PCDHGB7: variants seen among roughly 807,000 people sequenced by gnomAD.
PCDHGB7 encodes the protein protocadherin gamma subfamily B, 7.
Under a neutral mutation model 61.4 loss-of-function variants are expected in PCDHGB7, and 37 were observed. The ratio of observed to expected loss-of-function variants is 0.60; its 90% CI spans 0.46 to 0.79. The LOEUF is 0.79. Among genes scored for constraint, PCDHGB7 ranks in the 30% least tolerant of loss-of-function variants. PCDHGB7 has a pLI of 0.00. For missense variants in PCDHGB7, 1,166 were observed against 1,202.5 expected (o/e 0.97, Z 0.45); for synonymous variants, 464 against 503.5 (o/e 0.92, Z 1.05).
At position 141,486,709 on chromosome 5, in the gene PCDHGB7, C is replaced by T; in HGVS notation, c.2416-8098C>T. 6.2e-7 allele frequency: 1 copy of T among 1,614,182 alleles called. No individual in the cohort carries two copies. ...CTTCCTCTTTCATCTCTCTGAACCC[C>T]CAGACAGGAGCTGTTCATGCTACTC... On this transcript the variant is annotated intron_variant, in intron 1 of 3. Coordinates refer to ENST00000398594, the MANE Select transcript of PCDHGB7 (RefSeq NM_018927.4). This position sits in a 1 kb window ranked among gnomAD's most constrained non-coding sequence, Gnocchi z 5.0.
At position 141,489,385 on chromosome 5, in the gene PCDHGB7, G is replaced by C. The variant is rs893348832; in HGVS notation, c.2416-5422G>C. The stretch of plus-strand genomic sequence containing the variant: ...GCCGGGGACGCTGGTGGGGAATGTT[G>C]CTCAGGATCTGGGCTTAAAGATGAC... On this transcript the variant is annotated intron_variant, in intron 1 of 3. Transcript: ENST00000398594. This position sits in a 1 kb window ranked among gnomAD's most constrained non-coding sequence, Gnocchi z 4.5. The C allele has an allele frequency of 6.2e-7, 1 of 1,613,924 alleles. No individual in the cohort carries two copies. Among genetic ancestry groups the C allele is most frequent in the Non-Finnish European group, 8.5e-7 (1 of 1,179,896 alleles).
Position 141,485,959 on chromosome 5 carries a change from C to A in PCDHGB7, c.2416-8848C>A, listed in dbSNP as rs758835557. The A allele has an allele frequency of 6.2e-7, 1 of 1,614,160 alleles. No homozygotes were observed. The highest frequency in any genetic ancestry group is 1.3e-5 in the African/African-American group (1 of 75,054). Reference sequence around the variant, plus strand: ...GCGCACCAGCGGGCATGGTGCTCATCCAGCTCAATGCCTCAGACCCGGACC... The same window carrying A: ...GCGCACCAGCGGGCATGGTGCTCATACAGCTCAATGCCTCAGACCCGGACC... On this transcript the variant is annotated intron_variant, in intron 1 of 3. Coordinates refer to ENST00000398594, the MANE Select transcript of PCDHGB7 (RefSeq NM_018927.4). The surrounding 1 kb of genome is among the most constrained non-coding windows in gnomAD (Gnocchi z 5.7).
Position 141,417,884 on chromosome 5 carries a change from C to A in PCDHGB7, c.25C>A (p.Arg9Ser). Residue 9 changes from arginine (R) to serine (S), a missense_variant, in exon 1 of 4, where the codon CGC becomes AGC. By Grantham distance (110) the Arg-to-Ser change is moderately radical. Coordinates refer to ENST00000398594, the MANE Select transcript of PCDHGB7 (RefSeq NM_018927.4). ...GATGGGAGGGAGCTGCGCGCAGAGG[C>A]GCCGGGCCGGCCCGCGGCAGGTACT... MGGSCAQR[R>S]RAGPRQVLFP... 1.3e-6 allele frequency: 2 copies of A among 1,561,600 alleles called. No homozygotes were observed. Among genetic ancestry groups the A allele is most frequent in the East Asian group, 2.4e-5 (1 of 41,672 alleles).
rs539406412 is a variant in PCDHGB7, at chr5:141,427,895, G to A, written c.2415+7621G>A. ...CGATGCAGGCCCACGACCAGGGCTCGCCCGCGCTCAGCGCCAACATGAGCC... is the reference window on the plus strand; with the variant it reads ...CGATGCAGGCCCACGACCAGGGCTCACCCGCGCTCAGCGCCAACATGAGCC... On this transcript the variant is annotated intron_variant, in intron 1 of 3. Transcript: ENST00000398594. 373 of 1,569,222 alleles carry A rather than the reference G, an allele frequency of 2.4e-4. 2 individuals are homozygous for A. In the South Asian group the frequency reaches 3.9e-3, roughly 17 times the overall value.
Position 141,491,706 on chromosome 5 carries a change from G to T in PCDHGB7, c.2416-3101G>T. 6.2e-7 allele frequency: 1 copy of T among 1,611,088 alleles called. No individual in the cohort carries two copies. Among genetic ancestry groups the T allele is most frequent in the Non-Finnish European group, 8.5e-7 (1 of 1,178,772 alleles). On this transcript the variant is annotated intron_variant, in intron 1 of 3. Coordinates refer to ENST00000398594, the MANE Select transcript of PCDHGB7 (RefSeq NM_018927.4). The surrounding 1 kb of genome is among the most constrained non-coding windows in gnomAD (Gnocchi z 6.9). Reference sequence around the variant, plus strand: ...CGCTGCGGGAGCGGAGCCAGGTGAGGGGCTCGGCGCCGCCCCGGGCGACCC... The same window carrying T: ...CGCTGCGGGAGCGGAGCCAGGTGAGTGGCTCGGCGCCGCCCCGGGCGACCC...
chr5:141,434,449 G>C (rs1392115883), intron 1 of PCDHGB7, among the ~76,000 whole-genome samples: 1 of 152,232 alleles, frequency 6.6e-6, no homozygotes, highest in Non-Finnish European at 1.5e-5. Context: ...ATGCTGGAAG[G>C]TAGTGGGTTT....
At chr5:141,422,888 T>C in intron 1 of PCDHGB7, 2 of 1,614,262 alleles carry the variant, frequency 1.2e-6, no homozygotes, top group South Asian at 2.2e-5. Flanking sequence ...CTGTTCGTGC[T>C]GGACCAGAAC....
intron 1 of PCDHGB7, 108 bp from the exon 2 acceptor site, chr5:141,494,699 T>G: frequency 6.3e-7 from 1 of 1,592,240 alleles, no homozygotes; most frequent in East Asian, 2.3e-5. Context: ...GTCCGTTTTC[T>G]TCTCTGTGCC....
In PCDHGB7 at chr5:141,486,194, C is replaced by A. The variant is rs1248456800; in HGVS notation, c.2416-8613C>A. The A allele has an allele frequency of 6.2e-7, 1 of 1,614,196 alleles. No individual in the cohort carries two copies. Among genetic ancestry groups the A allele is most frequent in the Non-Finnish European group, 8.5e-7 (1 of 1,180,026 alleles). ...ACATTGCAGCCTTCGAGTGGATCTG[C>A]TGGACGTAAATGACAATGCCCCTTA... On this transcript the variant is annotated intron_variant, in intron 1 of 3. Transcript: ENST00000398594. The surrounding 1 kb of genome is among the most constrained non-coding windows in gnomAD (Gnocchi z 5.0).
At chr5:141,498,947 AAAAG>A (rs1475471777) in intron 2 of PCDHGB7, among the ~76,000 whole-genome samples, 1 of 145,446 alleles carries the variant, frequency 6.9e-6, no homozygotes, top group African/African-American at 2.6e-5. Context: ...GAAAGAAAGA[AAAAG>A]AGAGAGAGGG....
intron 1 of PCDHGB7, among the ~76,000 whole-genome samples, chr5:141,492,490 G>C (rs2099741140): frequency 6.6e-6 from 1 of 152,208 alleles, no homozygotes; most frequent in Non-Finnish European, 1.5e-5. Context: ...CCAGGACCAG[G>C]CGAGGACTCC....
intron 1 of PCDHGB7, among the ~76,000 whole-genome samples, chr5:141,466,080 C>A (rs1186062704): frequency 6.6e-6 from 1 of 152,108 alleles, no homozygotes; most frequent in East Asian, 1.9e-4. Flanking sequence ...TGATATCATG[C>A]CACTGCACTC....
intron 1 of PCDHGB7, chr5:141,427,630 T>C (rs1043983899): frequency 2.8e-6 from 2 of 702,530 alleles, no homozygotes; most frequent in African/African-American, 1.7e-5. Context: ...AATGCTCCGG[T>C]TTTCCACCAA....
intron 1 of PCDHGB7, among the ~76,000 whole-genome samples, chr5:141,462,897 G>A (rs2099049236): frequency 6.6e-6 from 1 of 152,130 alleles, no homozygotes; most frequent in South Asian, 2.1e-4. Context: ...TGTTTTGGAA[G>A]GCTATTATGT....
At chr5:141,448,926 C>T (rs528128105) in intron 1 of PCDHGB7, among the ~76,000 whole-genome samples, 5 of 152,256 alleles carry the variant, frequency 3.3e-5, no homozygotes, top group African/African-American at 9.6e-5. Context: ...GCCTGGGCGA[C>T]AGAGCAAGAC....
rs757755103 is a variant in PCDHGB7 at position 141,432,638 on chromosome 5, C to T, written c.2415+12364C>T. 1.2e-6 allele frequency: 2 copies of T among 1,613,810 alleles called. No homozygotes were observed. Among genetic ancestry groups the T allele is most frequent in the Non-Finnish European group, 8.5e-7 (1 of 1,179,930 alleles). ...GGTGGGTCTGCACACGGGCGAGGTG[C>T]GCACGGCGCGAGCCCTGCTGGACAG... is the stretch of plus-strand genomic sequence containing the variant. On this transcript the variant is annotated intron_variant, in intron 1 of 3. Transcript: ENST00000398594. The surrounding 1 kb of genome is among the most constrained non-coding windows in gnomAD (Gnocchi z 6.0).
intron 1 of PCDHGB7, among the ~76,000 whole-genome samples, chr5:141,437,721 A>G (rs2097904045): frequency 6.6e-6 from 1 of 151,664 alleles, no homozygotes; most frequent in African/African-American, 2.4e-5. Flanking sequence ...TTACCCTCTA[A>G]TGTTACACTT....
At chr5:141,430,244 A>G (rs903055705) in intron 1 of PCDHGB7, among the ~76,000 whole-genome samples, 1 of 105,606 alleles carries the variant, frequency 9.5e-6, no homozygotes, top group Non-Finnish European at 1.8e-5. Context: ...AGAAACTCCT[A>G]GGGAGACATC....
Position 141,477,447 on chromosome 5 carries a change from G to C in PCDHGB7, c.2416-17360G>C, listed in dbSNP as rs779097830. On this transcript the variant is annotated intron_variant, in intron 1 of 3. Coordinates refer to ENST00000398594, the MANE Select transcript of PCDHGB7 (RefSeq NM_018927.4). The surrounding 1 kb of genome is among the most constrained non-coding windows in gnomAD (Gnocchi z 4.9). ...TCCCTCTCAGCCCTTACAATAGTGCGTGTTCAAGTGTCCGACATCAATGAC... is the reference window on the plus strand; with the variant it reads ...TCCCTCTCAGCCCTTACAATAGTGCCTGTTCAAGTGTCCGACATCAATGAC... The C allele has an allele frequency of 1.6e-5, 26 of 1,614,098 alleles. No individual in the cohort carries two copies. Among genetic ancestry groups the C allele is most frequent in the Non-Finnish European group, 2.2e-5 (26 of 1,180,016 alleles).
Sources: allele counts gnomAD v4.1 joint callset (sites outside exome capture counted in the v4.1 genomes callset), GRCh38; gene constraint gnomAD v4.1.1; non-coding constraint Gnocchi (gnomAD v3.1); transcripts MANE v1.5; gene names NCBI Gene and HGNC (gene_info 2026-07-23, HGNC 2026-07-21).